C12orf56: variants seen among roughly 807,000 people sequenced by gnomAD.
The protein encoded by C12orf56 is chromosome 12 open reading frame 56, also known as uncharacterized protein C12orf56.
In C12orf56, 71 loss-of-function variants were observed where a neutral mutation model predicts 69.9. The ratio of observed to expected loss-of-function variants is 1.02; its 90% CI spans 0.84 to 1.24. The LOEUF is 1.24. C12orf56 is among the 50% of genes most tolerant of loss of function. The probability of loss-of-function intolerance (pLI) is 0.00; values close to 1 mark genes in which losing one functional copy is unlikely to be tolerated. For synonymous variants in C12orf56, 276 were observed against 274.1 expected, an observed-to-expected ratio of 1.01 and a Z score of -0.07; for missense variants, 732 against 738.5, an observed-to-expected ratio of 0.99 and a Z score of 0.10.
chr12:64,387,077 C>CAACA (rs1201123599), intron 1 of C12orf56, among the ~76,000 whole-genome samples: 10 of 42,106 alleles, frequency 2.4e-4, no homozygotes, highest in African/African-American at 9.8e-4. Context: ...GACTCTATCT[C>CAACA]AAAAAAAAAA....
At chr12:64,382,097 A>G (rs2039726315) in intron 1 of C12orf56, among the ~76,000 whole-genome samples, 1 of 151,980 alleles carries the variant, frequency 6.6e-6, no homozygotes, top group Admixed American at 6.6e-5. Context: ...CCCCATCTCT[A>G]CTAAAAAATA....
chr12:64,270,621 G>C lies in C12orf56; in HGVS notation c.1678C>G (p.Gln560Glu). Reference sequence around the variant, plus strand: ...CAGCTCTTGAGGATGTAAAATTGCTGGTACAACAGAACTGCTTGGCAGGGA... The same window carrying C: ...CAGCTCTTGAGGATGTAAAATTGCTCGTACAACAGAACTGCTTGGCAGGGA... ...LSPCQAVLLY[Q>E]QFYILKSCLR... is the part of the protein sequence containing the mutation. Residue 560 changes from glutamine to glutamate, a missense_variant, in exon 12 of 13, where the codon CAG (glutamine) becomes GAG (glutamate). Physicochemically the swap from Gln to Glu is conservative, Grantham distance 29 (BLOSUM62 2). Coordinates refer to ENST00000543942, the MANE Select transcript of C12orf56 (RefSeq NM_001170633.2). 1 of 1,613,756 alleles carries C rather than the reference G, an allele frequency of 6.2e-7. No individual in the cohort carries two copies. Among genetic ancestry groups the C allele is most frequent in the South Asian group, 1.1e-5 (1 of 91,056 alleles).
intron 4 of C12orf56, among the ~76,000 whole-genome samples, chr12:64,313,751 T>A (rs1032729274): frequency 1.3e-5 from 2 of 151,868 alleles, no homozygotes; most frequent in South Asian, 4.2e-4. Flanking sequence ...GTATATAGAT[T>A]TACCGATTTA....
chr12:64,376,168 A>G (rs2039636830), intron 1 of C12orf56, among the ~76,000 whole-genome samples: 1 of 152,140 alleles, frequency 6.6e-6, no homozygotes, highest in Non-Finnish European at 1.5e-5. Context: ...ACACTTCAGA[A>G]GTTGAAAGAT....
At chr12:64,271,631 G>A (rs1486986729) in intron 11 of C12orf56, among the ~76,000 whole-genome samples, 1 of 152,132 alleles carries the variant, frequency 6.6e-6, no homozygotes, top group Non-Finnish European at 1.5e-5. Flanking sequence ...CTTCCCTACA[G>A]GTAGGGCAAG....
At chr12:64,285,846 C>G in intron 7 of C12orf56, 108 bp downstream of exon 7, 5 of 485,296 alleles carry the variant, frequency 1.0e-5, no homozygotes, top group Non-Finnish European at 1.8e-5. Flanking sequence ...GAAAAACTTG[C>G]AGTGCCATTA....
intron 5 of C12orf56, among the ~76,000 whole-genome samples, chr12:64,304,313 G>A (rs1013273531): frequency 6.6e-6 from 1 of 152,082 alleles, no homozygotes; most frequent in East Asian, 1.9e-4. Context: ...CAAGCTGAGA[G>A]GTTCTCCCTG....
intron 1 of C12orf56, among the ~76,000 whole-genome samples, chr12:64,368,477 C>T (rs1319308845): frequency 1.3e-5 from 2 of 151,988 alleles, no homozygotes; most frequent in Non-Finnish European, 2.9e-5. Flanking sequence ...CATGAAAGAA[C>T]CTCAGACTAT....
chr12:64,271,218 C>T (rs998967372), intron 11 of C12orf56, among the ~76,000 whole-genome samples: 2 of 151,908 alleles, frequency 1.3e-5, no homozygotes, highest in Non-Finnish European at 2.9e-5. Context: ...GTAATCCCAG[C>T]ACTTTGGGAG....
chr12:64,378,975 C>T (rs1286631682), intron 1 of C12orf56, among the ~76,000 whole-genome samples: 2 of 151,354 alleles, frequency 1.3e-5, no homozygotes, highest in African/African-American at 4.8e-5. Flanking sequence ...CACTTGAACC[C>T]AGGAGGCAGA....
At chr12:64,337,867 A>C (rs56183940) in intron 2 of C12orf56, among the ~76,000 whole-genome samples, 39,188 of 150,198 alleles carry the variant, frequency 0.26, 5,684 homozygotes, top group Admixed American at 0.36. Flanking sequence ...AAAAAAAAAA[A>C]AAAAAAACAC....
intron 3 of C12orf56, among the ~76,000 whole-genome samples, chr12:64,326,866 C>G (rs1053731302): frequency 2.6e-5 from 4 of 152,170 alleles, no homozygotes; most frequent in African/African-American, 9.7e-5. Context: ...CCCTCCAAAA[C>G]TTACATTGAA....
chr12:64,327,117 C>A (rs73311834), intron 3 of C12orf56, among the ~76,000 whole-genome samples: 1 of 152,230 alleles, frequency 6.6e-6, no homozygotes, highest in Non-Finnish European at 1.5e-5. Context: ...AGTGTCCCCA[C>A]CAGCAAGAAC....
At chr12:64,328,442 A>G (rs1376838248) in intron 3 of C12orf56, among the ~76,000 whole-genome samples, 1 of 151,854 alleles carries the variant, frequency 6.6e-6, no homozygotes, top group Non-Finnish European at 1.5e-5. Context: ...GCACTTTGGG[A>G]GGCCGAGGCA....
At chr12:64,349,453 G>A (rs926352453) in intron 2 of C12orf56, among the ~76,000 whole-genome samples, 2 of 152,202 alleles carry the variant, frequency 1.3e-5, no homozygotes, top group Non-Finnish European at 2.9e-5. Flanking sequence ...AAACTGTGGA[G>A]ATTCCTTAAA....
Position 64,303,707 on chromosome 12 carries a change from C to G in C12orf56, c.1041G>C (p.Arg347Ser), listed in dbSNP as rs1023352539. Residue 347 changes from arginine (R) to serine (S), a missense_variant, in exon 6 of 13, where the codon AGG (arginine) becomes AGC (serine). By Grantham distance (110) the Arg-to-Ser change is moderately radical. Coordinates refer to ENST00000543942, the MANE Select transcript of C12orf56 (RefSeq NM_001170633.2). ...TAAGTTCCATAAGTAAAGAAAGTAT[C>G]CTCCTCAAAGAATTGTCTTTAAGAA... is the stretch of plus-strand genomic sequence containing the variant. The part of the protein sequence containing the change: ...ELFLKDNSLR[R>S]ILSLLMELKV... The G allele has an allele frequency of 3.2e-6, 5 of 1,579,914 alleles. No homozygotes were observed. The highest frequency in any genetic ancestry group is 3.3e-4 in the Middle Eastern group (2 of 6,016).
At chr12:64,321,130 TA>T (rs2038767164) in intron 3 of C12orf56, among the ~76,000 whole-genome samples, 1 of 152,210 alleles carries the variant, frequency 6.6e-6, no homozygotes, top group Non-Finnish European at 1.5e-5. Flanking sequence ...GAAACAATAA[TA>T]GTACCCATCT....
At chr12:64,308,932 G>GAAA (rs869227675) in intron 5 of C12orf56, among the ~76,000 whole-genome samples, 448 of 32,668 alleles carry the variant, frequency 0.014, 16 homozygotes, top group African/African-American at 0.029. Context: ...AAGAAAGAAA[G>GAAA]AAAGAAAGAA....
intron 1 of C12orf56, among the ~76,000 whole-genome samples, chr12:64,385,337 G>A (rs2039775262): frequency 6.6e-6 from 1 of 151,596 alleles, no homozygotes; most frequent in South Asian, 2.1e-4. Flanking sequence ...TGGTCTAACT[G>A]TCTAAATTTT....
Sources: allele counts gnomAD v4.1 joint callset (sites outside exome capture counted in the v4.1 genomes callset), GRCh38; gene constraint gnomAD v4.1.1; transcripts MANE v1.5; gene names NCBI Gene and HGNC (gene_info 2026-07-23, HGNC 2026-07-21).